Variants in PLA2G4A observed in about 807,000 individuals in gnomAD.
The protein encoded by PLA2G4A is cytosolic phospholipase A2.
PLA2G4A carries 40 observed loss-of-function variants against 81.9 expected under a neutral mutation model. The observed-to-expected ratio is 0.49, with a 90% CI of 0.38 to 0.64. The LOEUF is 0.64. PLA2G4A is among the 30% of genes least tolerant of loss of function. The pLI, the probability that PLA2G4A is intolerant of heterozygous loss-of-function variation, is 0.00. For missense variants in PLA2G4A, 715 were observed against 905.1 expected (o/e 0.79, Z 2.69); for synonymous variants, 302 against 296.9 (o/e 1.02, Z -0.18).
chr1:186,967,451 A>G (rs1657171614), intron 15 of PLA2G4A, among the ~76,000 whole-genome samples: 1 of 152,114 alleles, frequency 6.6e-6, no homozygotes, highest in African/African-American at 2.4e-5. Flanking sequence ...CTTTGTGCAC[A>G]CTGTTCATGA....
chr1:186,860,655 A>C (rs546486560), intron 2 of PLA2G4A, among the ~76,000 whole-genome samples: 1 of 152,330 alleles, frequency 6.6e-6, no homozygotes, highest in African/African-American at 2.4e-5. Flanking sequence ...GTGTAAAATT[A>C]ATCATCACAG....
At chr1:186,933,359 CA>C (rs1655821901) in intron 8 of PLA2G4A, among the ~76,000 whole-genome samples, 1 of 151,960 alleles carries the variant, frequency 6.6e-6, no homozygotes, top group South Asian at 2.1e-4. Flanking sequence ...ACAAAGAAAA[CA>C]ATTTTTTTGA....
intron 2 of PLA2G4A, among the ~76,000 whole-genome samples, chr1:186,867,414 T>G (rs1653071992): frequency 6.6e-6 from 1 of 152,176 alleles, no homozygotes; most frequent in South Asian, 2.1e-4. Context: ...ATAGATCTTC[T>G]ACATACATTG....
intron 6 of PLA2G4A, 151 bp downstream of exon 6, chr1:186,907,153 A>G: frequency 5.1e-6 from 3 of 593,294 alleles, no homozygotes; most frequent in Non-Finnish European, 6.0e-6. Context: ...TTGTCTGTTA[A>G]TACCTACAAA....
chr1:186,955,859 G>C (rs749480116), intron 13 of PLA2G4A, among the ~76,000 whole-genome samples: 2 of 148,304 alleles, frequency 1.3e-5, no homozygotes, highest in Non-Finnish European at 3.0e-5. Flanking sequence ...TCAGCCTCCC[G>C]AGTAGCTGGG....
chr1:186,865,828 C>T (rs1423545027), intron 2 of PLA2G4A, among the ~76,000 whole-genome samples: 1 of 151,728 alleles, frequency 6.6e-6, no homozygotes, highest in African/African-American at 2.4e-5. Flanking sequence ...ATATACTTAT[C>T]CAGAATGAAT....
intron 2 of PLA2G4A, among the ~76,000 whole-genome samples, chr1:186,859,536 C>T (rs1264186472): frequency 6.6e-6 from 1 of 152,142 alleles, no homozygotes; most frequent in Non-Finnish European, 1.5e-5. Context: ...TGGAGGGGCA[C>T]TGCTCCACAT....
Position 186,988,604 on chromosome 1 carries a change from A to T in PLA2G4A, c.*96A>T. 3.8e-6 allele frequency: 4 copies of T among 1,049,438 alleles called. No homozygotes were observed. The highest frequency in any genetic ancestry group is 5.9e-6 in the Non-Finnish European group (4 of 677,120). The allele number at this position is 1,049,438 out of a possible 1,614,324, so 65.0% of individuals were successfully genotyped here. ...AAGTACAGTACAGATAGTCGTACTG[A>T]TCATGAGAGACTGGCTGATACTCAA... On this transcript the variant is annotated 3_prime_UTR_variant, in exon 18 of 18. Transcript: ENST00000367466.
chr1:186,905,288 A>G (rs1474965963), intron 5 of PLA2G4A, among the ~76,000 whole-genome samples: 1 of 152,190 alleles, frequency 6.6e-6, no homozygotes, highest in Non-Finnish European at 1.5e-5. Context: ...AGAAAACTCT[A>G]CATAGAGTTG....
At chr1:186,844,037 A>G (rs971086307) in intron 1 of PLA2G4A, among the ~76,000 whole-genome samples, 1 of 152,226 alleles carries the variant, frequency 6.6e-6, no homozygotes, top group Non-Finnish European at 1.5e-5. Context: ...TATCAGCCAT[A>G]TGGCACCACC....
At chr1:186,871,987 A>T (rs1441161313) in intron 3 of PLA2G4A, among the ~76,000 whole-genome samples, 3 of 152,130 alleles carry the variant, frequency 2.0e-5, no homozygotes, top group Non-Finnish European at 4.4e-5. Flanking sequence ...ATCATCAGTG[A>T]ATGAGGAGAG....
chr1:186,901,156 G>A (rs897463492), intron 5 of PLA2G4A, among the ~76,000 whole-genome samples: 2 of 152,176 alleles, frequency 1.3e-5, no homozygotes, highest in Non-Finnish European at 2.9e-5. Context: ...ATGTAATTTT[G>A]TGAGAAATTT....
chr1:186,879,214 A>G (rs568130601), intron 3 of PLA2G4A, among the ~76,000 whole-genome samples: 1 of 151,908 alleles, frequency 6.6e-6, no homozygotes, highest in Non-Finnish European at 1.5e-5. Flanking sequence ...ATTCCAGACA[A>G]AAATATTTTT....
chr1:186,952,202 C>T (rs1228734374), intron 13 of PLA2G4A, among the ~76,000 whole-genome samples: 1 of 152,006 alleles, frequency 6.6e-6, no homozygotes, highest in African/African-American at 2.4e-5. Context: ...ATAATGGTTT[C>T]TCCATTATTA....
At chr1:186,971,925 T>A (rs1052634365) in intron 15 of PLA2G4A, among the ~76,000 whole-genome samples, 4 of 152,068 alleles carry the variant, frequency 2.6e-5, no homozygotes, top group African/African-American at 9.7e-5. Context: ...GAGACTGAAA[T>A]ATGGATACTG....
At chr1:186,833,057 G>C (rs1353273653) in intron 1 of PLA2G4A, among the ~76,000 whole-genome samples, 1 of 152,112 alleles carries the variant, frequency 6.6e-6, no homozygotes, top group Non-Finnish European at 1.5e-5. Context: ...AGACATCCTG[G>C]CCTGAATCAT....
intron 5 of PLA2G4A, among the ~76,000 whole-genome samples, chr1:186,896,904 A>T (rs1305509460): frequency 6.6e-6 from 1 of 151,952 alleles, no homozygotes; most frequent in South Asian, 2.1e-4. Context: ...TGTTCCTCAG[A>T]TCATGTGGGA....
intron 1 of PLA2G4A, among the ~76,000 whole-genome samples, chr1:186,835,396 G>T (rs542529069): frequency 2.0e-5 from 3 of 152,174 alleles, no homozygotes; most frequent in Non-Finnish European, 4.4e-5. Context: ...TATATTTGAT[G>T]CAATATTATG....
At chr1:186,899,142 T>G (rs569834582) in intron 5 of PLA2G4A, among the ~76,000 whole-genome samples, 1 of 152,286 alleles carries the variant, frequency 6.6e-6, no homozygotes, top group East Asian at 1.9e-4. Flanking sequence ...GGGCAGTGTG[T>G]ATATGTGTGT....
Sources: allele counts gnomAD v4.1 joint callset (sites outside exome capture counted in the v4.1 genomes callset), GRCh38; gene constraint gnomAD v4.1.1; transcripts MANE v1.5; gene names NCBI Gene and HGNC (gene_info 2026-07-23, HGNC 2026-07-21).